The following NCAPH2 variants were observed in gnomAD, a reference collection of about 807,000 sequenced individuals.
NCAPH2 encodes non-SMC condensin II complex subunit H2.
In NCAPH2, 56 loss-of-function variants were observed where a neutral mutation model predicts 88.6. That is an observed-to-expected ratio of 0.63 (90% CI 0.51 to 0.79). The LOEUF (loss-of-function observed/expected upper bound fraction) is 0.79. NCAPH2 is among the 30% of genes least tolerant of loss of function. The pLI, the probability that NCAPH2 is intolerant of heterozygous loss-of-function variation, is 0.00. For missense variants in NCAPH2, 794 were observed against 792.0 expected, an observed-to-expected ratio of 1.00 and a Z score of -0.03; for synonymous variants, 378 against 313.6, an observed-to-expected ratio of 1.21 and a Z score of -2.17.
Position 50,524,458 on chromosome 22 carries a change from G to T in NCAPH2, c.*1083G>T, listed in dbSNP as rs766166937. On this transcript the variant is annotated 3_prime_UTR_variant, in exon 20 of 20. Transcript: ENST00000420993. ...AAGCACAGGCGTCAGGAGCCAGAAG[G>T]GAAGGCCCAGGACAGTGCCTGGGCT... The T allele has an allele frequency of 1.3e-6, 2 of 1,592,604 alleles. No homozygotes were observed. The highest frequency in any genetic ancestry group is 2.7e-5 in the African/African-American group (2 of 74,446).
chr22:50,518,555 C>G, intron 7 of NCAPH2, 94 bp from the exon 8 acceptor site: 1 of 1,307,290 alleles, frequency 7.6e-7, no homozygotes, highest in Non-Finnish European at 1.1e-6. Context: ...TCTCTGCCCT[C>G]CTGCTGGCCC....
chr22:50,510,938 C>T (rs2068764870), intron 1 of NCAPH2, among the ~76,000 whole-genome samples: 1 of 151,182 alleles, frequency 6.6e-6, no homozygotes, highest in Non-Finnish European at 1.5e-5. Context: ...GCTCTGCCTT[C>T]TGGGTTCACG....
chr22:50,521,447 T>G lies in NCAPH2; in HGVS notation c.934-96T>G, dbSNP rs552729476. The G allele has an allele frequency of 5.6e-6, 7 of 1,253,938 alleles. No homozygotes were observed. In the South Asian group the frequency reaches 7.3e-5, roughly 13 times the overall value. The allele number at this position is 1,253,938 out of a possible 1,614,324, so 77.7% of individuals were successfully genotyped here. On this transcript the variant is annotated intron_variant, in intron 10 of 19. Coordinates refer to ENST00000420993, the MANE Select transcript of NCAPH2 (RefSeq NM_152299.4). ...GAGCGCGGCTGTGTACCCCCTACTCTTCCTTTGGGAGGGTGGCTGTGCATC... is the reference window on the plus strand; with the variant it reads ...GAGCGCGGCTGTGTACCCCCTACTCGTCCTTTGGGAGGGTGGCTGTGCATC...
intron 1 of NCAPH2, among the ~76,000 whole-genome samples, chr22:50,515,972 G>T (rs1397284121): frequency 1.3e-5 from 2 of 150,842 alleles, no homozygotes; most frequent in Non-Finnish European, 2.9e-5. Context: ...CGTTTAAGGG[G>T]TGACAGAGGA....
chr22:50,508,765 T>C (rs1275389849), intron 1 of NCAPH2, among the ~76,000 whole-genome samples: 1 of 152,248 alleles, frequency 6.6e-6, no homozygotes, highest in Non-Finnish European at 1.5e-5. Flanking sequence ...TTATTGCAGT[T>C]ATTGCGAGCA....
At chr22:50,519,747 A>G (rs1320279001) in intron 9 of NCAPH2, 5 of 1,009,288 alleles carry the variant, frequency 5.0e-6, no homozygotes, top group African/African-American at 1.7e-5. Context: ...AACAAAATCA[A>G]CCTGATGCAT....
At chr22:50,512,708 C>G (rs1359109181) in intron 1 of NCAPH2, among the ~76,000 whole-genome samples, 3 of 151,938 alleles carry the variant, frequency 2.0e-5, no homozygotes, top group Non-Finnish European at 4.4e-5. Context: ...CCGCACCTGG[C>G]TAATTTTTTG....
chr22:50,522,169 C>T lies in NCAPH2; in HGVS notation c.1163-12C>T. The T allele has an allele frequency of 6.2e-7, 1 of 1,612,652 alleles. No individual in the cohort carries two copies. The highest frequency in any genetic ancestry group is 8.5e-7 in the Non-Finnish European group (1 of 1,179,192). On this transcript the variant is annotated splice_polypyrimidine_tract_variant and intron_variant, in intron 13 of 19. Transcript: ENST00000420993. ...AAGGACGAGGGAGCCCTCACAAGGC[C>T]TTTGTCTGCAGACATGGAGGTCCTG... is the stretch of plus-strand genomic sequence containing the variant.
At chr22:50,516,979 G>C (rs1173824612) in intron 2 of NCAPH2, among the ~76,000 whole-genome samples, 1 of 152,370 alleles carries the variant, frequency 6.6e-6, no homozygotes, top group African/African-American at 2.4e-5. Flanking sequence ...GCCCCGTGGC[G>C]GCAGGAGCTG....
At chr22:50,521,161 T>TG in intron 10 of NCAPH2, 125 bp downstream of exon 10, 1 of 1,135,982 alleles carries the variant, frequency 8.8e-7, no homozygotes, top group Non-Finnish European at 1.2e-6. Context: ...CCTTTGCACT[T>TG]GCTCTCTTAA....
Position 50,521,987 on chromosome 22 carries a change from T to C in NCAPH2, c.1110T>C (p.Tyr370=). Residue 370 remains tyrosine, a splice_region_variant and synonymous_variant, in exon 13 of 20, where the codon TAT becomes TAC. Transcript: ENST00000420993. ...QDFHQWYLAA[Y]ADHADSRRLR... The stretch of plus-strand genomic sequence containing the variant: ...GGTGCTGAGCATGTTCTTTCACAGA[T>C]GCAGACCATGCCGACAGCAGGCGGC... The C allele has an allele frequency of 6.2e-7, 1 of 1,614,006 alleles. No homozygotes were observed. Among genetic ancestry groups the C allele is most frequent in the Non-Finnish European group, 8.5e-7 (1 of 1,179,948 alleles).
chr22:50,514,678 C>A (rs954159536), intron 1 of NCAPH2, among the ~76,000 whole-genome samples: 1 of 152,224 alleles, frequency 6.6e-6, no homozygotes, highest in African/African-American at 2.4e-5. Flanking sequence ...TCCCTTCTTT[C>A]TGGACCAGCT....
chr22:50,517,837 C>G, intron 5 of NCAPH2, 28 bp downstream of exon 5: 2 of 1,612,340 alleles, frequency 1.2e-6, no homozygotes, highest in Non-Finnish European at 1.7e-6. Context: ...CCCTCTTAGG[C>G]TGGGGTGAGG....
intron 1 of NCAPH2, among the ~76,000 whole-genome samples, chr22:50,514,741 G>T (rs928337991): frequency 1.3e-5 from 2 of 152,198 alleles, no homozygotes; most frequent in African/African-American, 4.8e-5. Flanking sequence ...CGACCATGCT[G>T]CTGTTTCCTC....
intron 9 of NCAPH2, chr22:50,519,815 A>G (rs1266773784): frequency 1.2e-5 from 11 of 916,918 alleles, no homozygotes; most frequent in Non-Finnish European, 1.4e-5. Flanking sequence ...GATATTTGTC[A>G]TATTCTATTC....
At chr22:50,511,714 C>T (rs1287486193) in intron 1 of NCAPH2, among the ~76,000 whole-genome samples, 1 of 149,154 alleles carries the variant, frequency 6.7e-6, no homozygotes, top group East Asian at 1.9e-4. Flanking sequence ...GGCACAATCT[C>T]GGCTCACTGC....
chr22:50,521,310 C>A (rs1047530725), intron 10 of NCAPH2, among the ~76,000 whole-genome samples: 3 of 152,094 alleles, frequency 2.0e-5, no homozygotes, highest in Non-Finnish European at 4.4e-5. Context: ...CTGTGCACCC[C>A]CTACTCCTCT....
chr22:50,517,505 G>T, intron 3 of NCAPH2, 23 bp downstream of exon 3: 1 of 1,613,964 alleles, frequency 6.2e-7, no homozygotes, highest in Non-Finnish European at 8.5e-7. Flanking sequence ...GCCACTCACT[G>T]TGCTGCCCTG....
intron 9 of NCAPH2, 24 bp from the exon 10 acceptor site, chr22:50,520,941 G>C (rs1356829676): frequency 6.5e-7 from 1 of 1,550,322 alleles, no homozygotes; most frequent in Non-Finnish European, 8.7e-7. Context: ...AGGAGAAGTG[G>C]GGACCCTGTG....
Sources: gnomAD v4.1 joint callset for allele counts (sites outside exome capture counted in the v4.1 genomes callset) on GRCh38, gnomAD v4.1.1 for gene constraint, MANE v1.5 for transcripts, NCBI Gene and HGNC (gene_info 2026-07-23, HGNC 2026-07-21) for gene names.